Variants in KIF1B observed in about 807,000 individuals in gnomAD.
KIF1B encodes the protein kinesin family member 1B.
KIF1B carries 76 observed loss-of-function variants against 241.9 expected under a neutral mutation model. The ratio of observed to expected loss-of-function variants is 0.31; its 90% CI spans 0.26 to 0.38. KIF1B has a LOEUF of 0.38. Among genes scored for constraint, KIF1B ranks in the 10% least tolerant of loss-of-function variants. The pLI, the probability that KIF1B is intolerant of heterozygous loss-of-function variation, is 1.00. For synonymous variants in KIF1B, 750 were observed against 796.7 expected (o/e 0.94, Z 0.99); for missense variants, 1,622 against 2,271.4 (o/e 0.71, Z 5.81).
intron 17 of KIF1B, chr1:10,292,408 C>T (rs950796892): frequency 3.5e-5 from 13 of 368,438 alleles, no homozygotes; most frequent in Non-Finnish European, 6.6e-5. Flanking sequence ...TTGTTGCTTT[C>T]TCTTAAATTC....
chr1:10,337,589 T>G lies in KIF1B; in HGVS notation c.3422+56T>G. The G allele has an allele frequency of 6.3e-7, 1 of 1,586,308 alleles. No homozygotes were observed. The highest frequency in any genetic ancestry group is 8.7e-7 in the Non-Finnish European group (1 of 1,154,884). On this transcript the variant is annotated intron_variant, in intron 31 of 48. Coordinates refer to ENST00000676179, the MANE Select transcript of KIF1B (RefSeq NM_001365951.3). This position sits in a 1 kb window ranked among gnomAD's most constrained non-coding sequence, Gnocchi z 4.0. ...TAGCTGCTAACCGAGGTGACATCTC[T>G]TGTGCACTGTAGAGTGCTTTACATG...
At chr1:10,250,803 G>C (rs975518242) in intron 2 of KIF1B, among the ~76,000 whole-genome samples, 2 of 152,146 alleles carry the variant, frequency 1.3e-5, no homozygotes, top group Non-Finnish European at 2.9e-5. Context: ...TCCAGCCTGG[G>C]TGACAGACCG....
Position 10,278,147 on chromosome 1 carries a change from G to A in KIF1B, c.1180+19G>A, listed in dbSNP as rs200480069. 3.3e-4 allele frequency: 534 copies of A among 1,611,824 alleles called. 2 individuals carry two copies. The South Asian group carries it at 3.4e-3, about 10-fold the overall frequency. On this transcript the variant is annotated intron_variant, in intron 13 of 48. Transcript: ENST00000676179. ...ATTGATAGTAAGTGAATTAAGGATC[G>A]TTACAAAATCTAATCCTTTCTTCTT...
At chr1:10,212,856 G>GTATA (rs138390670) in intron 1 of KIF1B, among the ~76,000 whole-genome samples, 1,436 of 139,410 alleles carry the variant, frequency 0.01, 27 homozygotes, top group African/African-American at 0.034. Context: ...AAAAAAATGT[G>GTATA]TATATATATA....
intron 2 of KIF1B, among the ~76,000 whole-genome samples, chr1:10,238,381 C>CAAAAAAA (rs755794359): frequency 3.8e-4 from 33 of 87,114 alleles, no homozygotes; most frequent in African/African-American, 1.3e-3. Context: ...AACTTTGTCT[C>CAAAAAAA]AAAAAAAAAA....
At chr1:10,352,938 G>C (rs991391876) in intron 38 of KIF1B, among the ~76,000 whole-genome samples, 1 of 152,210 alleles carries the variant, frequency 6.6e-6, no homozygotes, top group South Asian at 2.1e-4. Context: ...GCAGATATTT[G>C]TATGTGATCA....
In KIF1B at chr1:10,365,462, C is replaced by A; in HGVS notation, c.4566C>A (p.Ile1522=). The A allele has an allele frequency of 6.2e-7, 1 of 1,614,154 alleles. No individual in the cohort carries two copies. The highest frequency in any genetic ancestry group is 1.1e-5 in the South Asian group (1 of 91,086). ...LLLRERLGDS[I]PKSLSDSLSP... Reference sequence around the variant, plus strand: ...TGCGTGAGAGACTTGGTGACAGCATCCCCAAATCCCTGAGCGACTCGTTAT... The same window carrying A: ...TGCGTGAGAGACTTGGTGACAGCATACCCAAATCCCTGAGCGACTCGTTAT... Residue 1522 remains isoleucine, a synonymous_variant, in exon 43 of 49, where the codon ATC becomes ATA. Coordinates refer to ENST00000676179, the MANE Select transcript of KIF1B (RefSeq NM_001365951.3). The surrounding 1 kb of genome is among the most constrained non-coding windows in gnomAD (Gnocchi z 4.0).
At chr1:10,257,590 A>T (rs1647869740) in intron 3 of KIF1B, among the ~76,000 whole-genome samples, 1 of 152,016 alleles carries the variant, frequency 6.6e-6, no homozygotes. Flanking sequence ...GGAACCCCAA[A>T]TGTTGCTGCT....
intron 38 of KIF1B, among the ~76,000 whole-genome samples, chr1:10,357,424 G>C (rs1269519106): frequency 6.6e-6 from 1 of 152,112 alleles, no homozygotes; most frequent in Non-Finnish European, 1.5e-5. Flanking sequence ...CCCAGTCTTG[G>C]TTGTATTTCT....
chr1:10,216,957 C>CTTTTT (rs70998362), intron 1 of KIF1B, among the ~76,000 whole-genome samples: 1,155 of 54,640 alleles, frequency 0.021, 35 homozygotes, highest in East Asian at 0.033. Context: ...TGCCCATTTT[C>CTTTTT]TTTTTTTTTT....
chr1:10,307,736 A>G, intron 22 of KIF1B: 2 of 1,032,304 alleles, frequency 1.9e-6, no homozygotes, highest in East Asian at 6.1e-5. Flanking sequence ...AAAGTGGGAA[A>G]AAAGTGTTTA....
At chr1:10,226,090 TG>T (rs1036998323) in intron 1 of KIF1B, among the ~76,000 whole-genome samples, 1 of 152,004 alleles carries the variant, frequency 6.6e-6, no homozygotes, top group African/African-American at 2.4e-5. Flanking sequence ...AAGAAGGCCT[TG>T]GGTGAGAAGT....
chr1:10,345,473 C>T (rs1033067215), intron 34 of KIF1B: 7 of 303,740 alleles, frequency 2.3e-5, no homozygotes, highest in Admixed American at 4.9e-5. Context: ...GCCCCTGTGA[C>T]GTGAGGCTTT....
At chr1:10,333,115 A>G (rs1652018761) in intron 27 of KIF1B, among the ~76,000 whole-genome samples, 2 of 151,688 alleles carry the variant, frequency 1.3e-5, no homozygotes, top group Non-Finnish European at 2.9e-5. Context: ...CCCAGCCAAT[A>G]ATAGTTATTT....
At position 10,375,120 on chromosome 1, in the gene KIF1B, G is replaced by A. The variant is rs1425157112; in HGVS notation, c.5289+74G>A. Reference sequence around the variant, plus strand: ...TTTTGATTTCTGCACTCTCTGTTACGTGGTGTGAAATTTCCCTATTCTCTC... The same window carrying A: ...TTTTGATTTCTGCACTCTCTGTTACATGGTGTGAAATTTCCCTATTCTCTC... On this transcript the variant is annotated intron_variant, in intron 47 of 48. Transcript: ENST00000676179. 7.8e-6 allele frequency: 12 copies of A among 1,541,906 alleles called. 1 individual carries two copies. The highest frequency in any genetic ancestry group is 5.6e-5 in the South Asian group (5 of 89,370).
chr1:10,256,173 C>T, intron 2 of KIF1B, 74 bp from the exon 3 acceptor site: 1 of 937,066 alleles, frequency 1.1e-6, no homozygotes, highest in South Asian at 1.3e-5. Context: ...ATGTTTTGAA[C>T]ACACAGAATA....
chr1:10,311,162 C>T (rs1651048855), intron 22 of KIF1B, among the ~76,000 whole-genome samples: 1 of 151,288 alleles, frequency 6.6e-6, no homozygotes, highest in Non-Finnish European at 1.5e-5. Context: ...AAACATGTCA[C>T]CAGTTGCAAA....
intron 7 of KIF1B, among the ~76,000 whole-genome samples, chr1:10,270,347 G>T: frequency 6.6e-6 from 1 of 152,210 alleles, no homozygotes; most frequent in South Asian, 2.1e-4. Context: ...AGTATGTACT[G>T]TTTTTTGTCT....
At chr1:10,224,326 C>T (rs1235474597) in intron 1 of KIF1B, among the ~76,000 whole-genome samples, 1 of 152,134 alleles carries the variant, frequency 6.6e-6, no homozygotes, top group Non-Finnish European at 1.5e-5. Context: ...CCATGTTAGC[C>T]AGGATGGTCT....
Sources: gnomAD v4.1 joint callset for allele counts (sites outside exome capture counted in the v4.1 genomes callset) on GRCh38, gnomAD v4.1.1 for gene constraint, Gnocchi (gnomAD v3.1) non-coding constraint, MANE v1.5 for transcripts, NCBI Gene and HGNC (gene_info 2026-07-23, HGNC 2026-07-21) for gene names.